Variants in TGFBR3 observed in about 807,000 individuals in gnomAD.
TGFBR3 encodes the protein transforming growth factor beta receptor 3.
Under a neutral mutation model 87.9 loss-of-function variants are expected in TGFBR3, and 46 were observed. The ratio of observed to expected loss-of-function variants is 0.52; its 90% CI spans 0.41 to 0.67. The LOEUF (loss-of-function observed/expected upper bound fraction) is 0.67. TGFBR3 is among the 30% of genes least tolerant of loss of function. The pLI is 0.00. For synonymous variants in TGFBR3, 381 were observed against 391.6 expected, an observed-to-expected ratio of 0.97 and a Z score of 0.32; for missense variants, 866 against 1,041.9, an observed-to-expected ratio of 0.83 and a Z score of 2.32.
At chr1:91,895,017 A>G (rs983677579) in intron 2 of TGFBR3, among the ~76,000 whole-genome samples, 2 of 151,870 alleles carry the variant, frequency 1.3e-5, no homozygotes, top group African/African-American at 4.8e-5. Flanking sequence ...TGATCTGCCC[A>G]CCTCAGCCTC....
chr1:91,822,342 C>A (rs1253256276), intron 2 of TGFBR3, among the ~76,000 whole-genome samples: 1 of 141,484 alleles, frequency 7.1e-6, no homozygotes, highest in Non-Finnish European at 1.5e-5. Context: ...TTAGTGTGAC[C>A]TTCCCAAACA....
chr1:91,697,704 G>C (rs915608236), intron 15 of TGFBR3, among the ~76,000 whole-genome samples: 1 of 152,220 alleles, frequency 6.6e-6, no homozygotes, highest in African/African-American at 2.4e-5. Flanking sequence ...CCTCTGAGCA[G>C]ATAAATATTG....
At chr1:91,748,654 TC>T (rs1196972559) in intron 4 of TGFBR3, among the ~76,000 whole-genome samples, 1 of 152,098 alleles carries the variant, frequency 6.6e-6, no homozygotes, top group Non-Finnish European at 1.5e-5. Flanking sequence ...AGAGATAAAA[TC>T]ATAGTCATGC....
At chr1:91,871,246 A>C (rs1299655770) in intron 1 of TGFBR3, among the ~76,000 whole-genome samples, 6 of 152,234 alleles carry the variant, frequency 3.9e-5, no homozygotes, top group Non-Finnish European at 7.3e-5. Flanking sequence ...CAGGCCCTGC[A>C]TGGACACTCA....
At chr1:91,817,499 CTTGT>C (rs1408682241) in intron 2 of TGFBR3, among the ~76,000 whole-genome samples, 6 of 152,270 alleles carry the variant, frequency 3.9e-5, no homozygotes, top group South Asian at 2.1e-4. Flanking sequence ...TCTAGAAGTG[CTTGT>C]TTGTTTGTTT....
At chr1:91,692,356 T>C (rs989857434) in intron 16 of TGFBR3, among the ~76,000 whole-genome samples, 12 of 151,596 alleles carry the variant, frequency 7.9e-5, no homozygotes, top group African/African-American at 2.9e-4. Flanking sequence ...CTCTGGGGAG[T>C]GAGAAAAGAA....
chr1:91,690,599 G>A (rs936642096), intron 16 of TGFBR3, among the ~76,000 whole-genome samples: 4 of 152,010 alleles, frequency 2.6e-5, no homozygotes, highest in Non-Finnish European at 5.9e-5. Flanking sequence ...ATTTGCATTC[G>A]GGAAAAGCGC....
chr1:91,878,877 A>G (rs1571598569), intron 1 of TGFBR3, among the ~76,000 whole-genome samples: 1 of 151,990 alleles, frequency 6.6e-6, no homozygotes. Flanking sequence ...TAGGAGTCCA[A>G]TGTCCAGAAA....
At chr1:91,762,289 G>A (rs1673996765) in intron 3 of TGFBR3, among the ~76,000 whole-genome samples, 1 of 152,126 alleles carries the variant, frequency 6.6e-6, no homozygotes, top group Non-Finnish European at 1.5e-5. Context: ...ACAAACTTTT[G>A]CAGACAATGT....
intron 4 of TGFBR3, among the ~76,000 whole-genome samples, chr1:91,738,745 C>T (rs1482974828): frequency 6.6e-6 from 1 of 152,226 alleles, no homozygotes; most frequent in African/African-American, 2.4e-5. Flanking sequence ...CTAATCTATG[C>T]TTTAAACATA....
intron 2 of TGFBR3, among the ~76,000 whole-genome samples, chr1:91,806,497 A>G (rs1000253229): frequency 1.4e-4 from 21 of 152,034 alleles, no homozygotes; most frequent in African/African-American, 5.1e-4. Context: ...TGTTTTGGAG[A>G]AGACATAGTA....
chr1:91,887,592 G>T (rs1679361834), upstream of TGFBR3, among the ~76,000 whole-genome samples: 1 of 152,118 alleles, frequency 6.6e-6, no homozygotes, highest in Admixed American at 6.6e-5. Flanking sequence ...ATATGTTGGA[G>T]AGTAGAATGA....
At chr1:91,869,651 G>A (rs918521360) in intron 1 of TGFBR3, among the ~76,000 whole-genome samples, 2 of 152,200 alleles carry the variant, frequency 1.3e-5, no homozygotes, top group African/African-American at 4.8e-5. Flanking sequence ...GCAACAGAGC[G>A]AGACTCCGTC....
intron 14 of TGFBR3, among the ~76,000 whole-genome samples, chr1:91,704,013 A>G (rs1285991830): frequency 6.6e-6 from 1 of 152,110 alleles, no homozygotes; most frequent in African/African-American, 2.4e-5. Flanking sequence ...TACCTTGAAT[A>G]CTAATGTGAT....
chr1:91,753,828 C>T (rs149669623), intron 4 of TGFBR3, among the ~76,000 whole-genome samples: 299 of 152,296 alleles, frequency 2.0e-3, no homozygotes, highest in African/African-American at 6.9e-3. Context: ...GGATATAGCA[C>T]TGTTTTCATC....
chr1:91,827,239 A>G (rs1676678685), intron 2 of TGFBR3, among the ~76,000 whole-genome samples: 1 of 152,192 alleles, frequency 6.6e-6, no homozygotes, highest in Non-Finnish European at 1.5e-5. Flanking sequence ...CAACGATCAC[A>G]ACAACAGAAC....
At position 91,861,474 on chromosome 1, in the gene TGFBR3, C is replaced by T; in HGVS notation, c.58G>A (p.Ala20Thr). 1.9e-6 allele frequency: 3 copies of T among 1,610,274 alleles called. No homozygotes were observed. The highest frequency in any genetic ancestry group is 2.5e-6 in the Non-Finnish European group (3 of 1,176,574). The change falls in exon 2 of 17, where the codon GCA becomes ACA. Residue 20 changes from alanine to threonine, a missense_variant. Ala to Thr is a moderately conservative substitution (Grantham distance 58, BLOSUM62 0). Coordinates refer to ENST00000212355, the MANE Select transcript of TGFBR3 (RefSeq NM_003243.5). ...FALMSSCLAT[A>T]GPEPGALCEL... Reference sequence around the variant, plus strand: ...CAATTTATATTATGCAACTTACCTGCAGTGGCTAAACAGGAGCTCATCAGG... The same window carrying T: ...CAATTTATATTATGCAACTTACCTGTAGTGGCTAAACAGGAGCTCATCAGG...
At chr1:91,779,780 A>G (rs1199111154) in intron 3 of TGFBR3, among the ~76,000 whole-genome samples, 2 of 152,118 alleles carry the variant, frequency 1.3e-5, no homozygotes, top group Non-Finnish European at 2.9e-5. Context: ...CTGCTGTAAC[A>G]AATTACCATA....
rs779983549 is a variant in TGFBR3 at position 91,712,531 on chromosome 1, A to G, written c.1878T>C (p.Thr626=). 2.5e-6 allele frequency: 4 copies of G among 1,614,212 alleles called. No homozygotes were observed. The highest frequency in any genetic ancestry group is 3.4e-6 in the Non-Finnish European group (4 of 1,180,028). Residue 626 remains threonine, a synonymous_variant, in exon 13 of 17, where the codon ACT becomes ACC. Transcript: ENST00000212355. The stretch of plus-strand genomic sequence containing the variant: ...CAAATCCCAGTTCTTGTTCAGCCTT[A>G]GTAACAGATACCTATGAAAGAACAG... ...NGHVYVEVSV[T]KAEQELGFAI...
Sources: allele counts gnomAD v4.1 joint callset (sites outside exome capture counted in the v4.1 genomes callset), GRCh38; gene constraint gnomAD v4.1.1; transcripts MANE v1.5; gene names NCBI Gene and HGNC (gene_info 2026-07-23, HGNC 2026-07-21).